The following OPCML variants were observed in gnomAD, a reference collection of about 807,000 sequenced individuals.
OPCML encodes opioid-binding protein/cell adhesion molecule.
In OPCML, 13 loss-of-function variants were observed where a neutral mutation model predicts 37.8. The ratio of observed to expected loss-of-function variants is 0.34; its 90% CI spans 0.22 to 0.55. The LOEUF is 0.55. Among genes scored for constraint, OPCML ranks in the 20% least tolerant of loss-of-function variants. OPCML has a pLI of 0.91. For missense variants in OPCML, 341 were observed against 435.6 expected (o/e 0.78, Z 1.93); for synonymous variants, 176 against 168.8 (o/e 1.04, Z -0.33).
chr11:133,161,770 C>A (rs571703221), intron 1 of OPCML, among the ~76,000 whole-genome samples: 11 of 152,236 alleles, frequency 7.2e-5, no homozygotes, highest in African/African-American at 2.4e-4. Flanking sequence ...CCTCAAGAAA[C>A]ACAATTCTAC....
intron 1 of OPCML, among the ~76,000 whole-genome samples, chr11:133,187,572 T>G (rs185432737): frequency 2.0e-5 from 3 of 152,258 alleles, no homozygotes; most frequent in Admixed American, 1.3e-4. Context: ...TCTACCTTTC[T>G]GCTTCACCAA....
At position 132,785,543 on chromosome 11, in the gene OPCML, A is replaced by G. The variant is rs887569009; in HGVS notation, c.147-128224T>C. 3.9e-5 allele frequency among the ~76,000 whole-genome samples: 6 copies of G among 152,388 alleles called. No homozygotes were observed. In the East Asian group the frequency reaches 1.2e-3, roughly 29 times the overall value. On this transcript the variant is annotated intron_variant, in intron 2 of 7. Transcript: ENST00000524381. Reference sequence around the variant, plus strand: ...TTAAAAGAGATAAACAATGACAATCAAAACCAGATACAATGCAATGCTCCC... The same window carrying G: ...TTAAAAGAGATAAACAATGACAATCGAAACCAGATACAATGCAATGCTCCC...
chr11:132,484,309 A>G (rs1387572383), intron 4 of OPCML, among the ~76,000 whole-genome samples: 6 of 152,250 alleles, frequency 3.9e-5, no homozygotes, highest in Non-Finnish European at 8.8e-5. Flanking sequence ...CAAAAAACAC[A>G]TGAAAAAATG....
At chr11:133,207,871 A>T (rs1467093844) in intron 1 of OPCML, among the ~76,000 whole-genome samples, 1 of 151,542 alleles carries the variant, frequency 6.6e-6, no homozygotes, top group African/African-American at 2.4e-5. Context: ...TTCTCCTCAC[A>T]CTCTACTGTG....
chr11:132,437,856 C>T (rs1309925776), intron 4 of OPCML, among the ~76,000 whole-genome samples: 4 of 152,118 alleles, frequency 2.6e-5, no homozygotes, highest in Non-Finnish European at 4.4e-5. Context: ...GCATTCTACC[C>T]TTTAATATAA....
chr11:133,061,167 G>A (rs1238519791), intron 1 of OPCML, among the ~76,000 whole-genome samples: 1 of 152,170 alleles, frequency 6.6e-6, no homozygotes, highest in Non-Finnish European at 1.5e-5. Flanking sequence ...CACCCAAGAA[G>A]AATGACAGTT....
chr11:132,725,396 G>T (rs543217090), intron 2 of OPCML, among the ~76,000 whole-genome samples: 2 of 152,166 alleles, frequency 1.3e-5, no homozygotes, highest in Non-Finnish European at 2.9e-5. Flanking sequence ...CAGCAGGGGG[G>T]GCCCTGGGCC....
intron 1 of OPCML, among the ~76,000 whole-genome samples, chr11:132,954,118 T>C (rs980596511): frequency 1.4e-5 from 2 of 139,250 alleles, no homozygotes; most frequent in African/African-American, 5.3e-5. Flanking sequence ...AAACATTCTT[T>C]CTTGGGTTTT....
At chr11:133,466,926 G>A (rs1006271534) in intron 1 of OPCML, among the ~76,000 whole-genome samples, 6 of 152,146 alleles carry the variant, frequency 3.9e-5, no homozygotes, top group Non-Finnish European at 5.9e-5. Flanking sequence ...CATATCCTCG[G>A]GTAGAGTTGT....
intron 3 of OPCML, among the ~76,000 whole-genome samples, chr11:132,582,995 A>G (rs1384919945): frequency 6.6e-6 from 1 of 151,714 alleles, no homozygotes; most frequent in African/African-American, 2.4e-5. Context: ...ATAGATGCAC[A>G]CCACTGTGAT....
chr11:133,106,924 A>G (rs778333326), intron 1 of OPCML, among the ~76,000 whole-genome samples: 3 of 152,238 alleles, frequency 2.0e-5, no homozygotes, highest in Non-Finnish European at 4.4e-5. Context: ...CCAGAGGCAG[A>G]GACAGGCCCT....
intron 2 of OPCML, among the ~76,000 whole-genome samples, chr11:132,737,369 A>G (rs1945293223): frequency 6.6e-6 from 1 of 152,194 alleles, no homozygotes; most frequent in Admixed American, 6.5e-5. Context: ...AAGACAATAG[A>G]GATGAAAAAT....
chr11:132,651,019 T>G (rs1361164142), intron 3 of OPCML, among the ~76,000 whole-genome samples: 1 of 152,220 alleles, frequency 6.6e-6, no homozygotes, highest in Non-Finnish European at 1.5e-5. Context: ...GGCAAAATTG[T>G]GACCTATGGC....
chr11:132,516,709 CAG>C (rs5795786), intron 4 of OPCML, among the ~76,000 whole-genome samples: 96,816 of 151,810 alleles, frequency 0.64, 31,010 homozygotes, highest in East Asian at 0.89. Context: ...TTGATCATGA[CAG>C]AGAGGCTGAG....
chr11:132,490,761 A>C (rs964281701), intron 4 of OPCML, among the ~76,000 whole-genome samples: 2 of 151,130 alleles, frequency 1.3e-5, no homozygotes, highest in African/African-American at 4.9e-5. Context: ...CAGTGAGCCG[A>C]GATCGTGCCA....
intron 2 of OPCML, among the ~76,000 whole-genome samples, chr11:132,920,839 C>T (rs574937511): frequency 1.2e-4 from 19 of 152,278 alleles, no homozygotes; most frequent in East Asian, 3.9e-4. Flanking sequence ...TGTCATGTCA[C>T]GGCCTGGCCG....
chr11:133,045,350 G>C lies in OPCML; in HGVS notation c.62-102340C>G, dbSNP rs143705346. On this transcript the variant is annotated intron_variant, in intron 1 of 7. Transcript: ENST00000524381. ...TATGGTCTTCGCTAGCTCTATTGCA[G>C]TAGGTACTTCATACAAGTTTGCGGA... Among the ~76,000 whole-genome samples the C allele has an allele frequency of 9.3e-3, 1,423 of 152,326 alleles. 10 individuals carry two copies. The highest frequency in any genetic ancestry group is 0.013 in the Non-Finnish European group (864 of 68,034).
At chr11:132,453,228 A>G (rs1214549394) in intron 4 of OPCML, among the ~76,000 whole-genome samples, 1 of 152,220 alleles carries the variant, frequency 6.6e-6, no homozygotes, top group Admixed American at 6.5e-5. Flanking sequence ...GGCAGTGTCT[A>G]GAGACAGTTT....
chr11:132,984,633 C>A (rs189694429), intron 1 of OPCML, among the ~76,000 whole-genome samples: 1 of 152,200 alleles, frequency 6.6e-6, no homozygotes, highest in Admixed American at 6.5e-5. Context: ...TATTTTCCAT[C>A]GCTATGTGTA....
Sources: allele counts gnomAD v4.1 joint callset (sites outside exome capture counted in the v4.1 genomes callset), GRCh38; gene constraint gnomAD v4.1.1; transcripts MANE v1.5; gene names NCBI Gene and HGNC (gene_info 2026-07-23, HGNC 2026-07-21).